Variants in GMDS observed in about 807,000 individuals in gnomAD.
GMDS encodes GDP-mannose 4,6-dehydratase.
Under a neutral mutation model 49.9 loss-of-function variants are expected in GMDS, and 20 were observed. The observed-to-expected ratio is 0.40, with a 90% CI of 0.28 to 0.58. The LOEUF is 0.58. Ranked by LOEUF, GMDS falls within the 20% of genes least tolerant of loss-of-function variation. The pLI is 0.42. For synonymous variants in GMDS, 177 were observed against 178.6 expected (o/e 0.99, Z 0.07); for missense variants, 362 against 481.4 (o/e 0.75, Z 2.32).
chr6:1,959,973 T>C lies in GMDS; in HGVS notation c.539-2A>G. 1 of 1,573,826 alleles carries C rather than the reference T, an allele frequency of 6.4e-7. No individual in the cohort carries two copies. The highest frequency in any genetic ancestry group is 8.7e-7 in the Non-Finnish European group (1 of 1,154,408). Reference sequence around the variant, plus strand: ...AATAGGCATAGAGTTTTGCTGCCCCTGTTGGAATAATTTTTTTTAAGCAAT... The same window carrying C: ...AATAGGCATAGAGTTTTGCTGCCCCCGTTGGAATAATTTTTTTTAAGCAAT... On this transcript the variant is annotated splice_acceptor_variant, in intron 5 of 10. Coordinates refer to ENST00000380815, the MANE Select transcript of GMDS (RefSeq NM_001500.4). LOFTEE classifies it high-confidence loss of function.
chr6:1,983,552 T>G (rs1162530411), intron 4 of GMDS, among the ~76,000 whole-genome samples: 1 of 151,968 alleles, frequency 6.6e-6, no homozygotes, highest in African/African-American at 2.4e-5. Context: ...CATTAAAAAG[T>G]GGGCAAAGAA....
At chr6:2,138,961 C>CAGAAG (rs2127525956) in intron 1 of GMDS, among the ~76,000 whole-genome samples, 1 of 152,246 alleles carries the variant, frequency 6.6e-6, no homozygotes, top group African/African-American at 2.4e-5. Context: ...GTACTCACTC[C>CAGAAG]GCAACAGTAG....
intron 7 of GMDS, among the ~76,000 whole-genome samples, chr6:1,864,081 T>C (rs1305223029): frequency 1.3e-5 from 2 of 152,150 alleles, no homozygotes; most frequent in Non-Finnish European, 2.9e-5. Context: ...AAATTAACTT[T>C]CTAGTTTATC....
chr6:1,790,009 A>G lies in GMDS; in HGVS notation c.772-47423T>C, dbSNP rs952892883. Among the ~76,000 whole-genome samples, 12 of 152,302 alleles carry G rather than the reference A, an allele frequency of 7.9e-5. No individual in the cohort carries two copies. The East Asian group carries it at 2.1e-3, about 27-fold the overall frequency. ...CAGTCTTTCCCCATCTCGTATTCATAAAGATACATTTTTCTGTTCCTAAAT... is the reference window on the plus strand; with the variant it reads ...CAGTCTTTCCCCATCTCGTATTCATGAAGATACATTTTTCTGTTCCTAAAT... On this transcript the variant is annotated intron_variant, in intron 7 of 10. Transcript: ENST00000380815.
At chr6:1,926,007 C>CCA (rs1761986012) in intron 7 of GMDS, among the ~76,000 whole-genome samples, 2 of 152,140 alleles carry the variant, frequency 1.3e-5, no homozygotes, top group South Asian at 4.1e-4. Context: ...GGAACTATGC[C>CCA]GAGTTTGGCT....
intron 7 of GMDS, among the ~76,000 whole-genome samples, chr6:1,780,933 T>G (rs3823269): frequency 0.092 from 13,957 of 152,242 alleles, 795 homozygotes; most frequent in East Asian, 0.25. Context: ...CCTTCTCCTT[T>G]TCCTTTCACA....
intron 4 of GMDS, among the ~76,000 whole-genome samples, chr6:1,993,241 C>T (rs913706778): frequency 8.5e-5 from 13 of 152,158 alleles, no homozygotes; most frequent in African/African-American, 2.7e-4. Flanking sequence ...TATGCTGGCT[C>T]GTGGTTTTGT....
intron 1 of GMDS, among the ~76,000 whole-genome samples, chr6:2,224,314 G>T (rs1391379253): frequency 4.6e-5 from 7 of 152,126 alleles, no homozygotes; most frequent in Non-Finnish European, 8.8e-5. Flanking sequence ...ACAGGTGTTG[G>T]GTTACTGTGC....
At chr6:1,949,326 C>T (rs1763229502) in intron 6 of GMDS, among the ~76,000 whole-genome samples, 1 of 151,170 alleles carries the variant, frequency 6.6e-6, no homozygotes, top group African/African-American at 2.5e-5. Context: ...CCCAAATGCA[C>T]ACAGCTGATG....
intron 4 of GMDS, among the ~76,000 whole-genome samples, chr6:1,992,028 G>C (rs538907971): frequency 6.6e-6 from 1 of 152,302 alleles, no homozygotes; most frequent in East Asian, 1.9e-4. Context: ...GCTTCAAAGG[G>C]AGCACAGCCC....
At chr6:1,815,675 T>A (rs1770631623) in intron 7 of GMDS, among the ~76,000 whole-genome samples, 1 of 152,230 alleles carries the variant, frequency 6.6e-6, no homozygotes, top group South Asian at 2.1e-4. Flanking sequence ...ATTTTAAACA[T>A]AAACCCACTC....
chr6:1,646,836 G>T (rs1763500065), intron 9 of GMDS, among the ~76,000 whole-genome samples: 1 of 152,194 alleles, frequency 6.6e-6, no homozygotes, highest in Admixed American at 6.5e-5. Flanking sequence ...ACTCCCTGAA[G>T]AGGAATTCAT....
chr6:2,001,928 A>G (rs2127383197), intron 4 of GMDS, among the ~76,000 whole-genome samples: 1 of 152,302 alleles, frequency 6.6e-6, no homozygotes, highest in South Asian at 2.1e-4. Context: ...TCAGTTTTAT[A>G]TTTAAATACA....
intron 1 of GMDS, among the ~76,000 whole-genome samples, chr6:2,145,843 TAGCGAC>T: frequency 1.3e-5 from 2 of 152,304 alleles, no homozygotes; most frequent in Middle Eastern, 6.8e-3. Context: ...CCTGGCTACA[TAGCGAC>T]ATCTATCTCA....
At chr6:1,694,098 T>C (rs1404250320) in intron 9 of GMDS, among the ~76,000 whole-genome samples, 1 of 152,200 alleles carries the variant, frequency 6.6e-6, no homozygotes, top group Non-Finnish European at 1.5e-5. Context: ...GTTTGAACAA[T>C]GGTAGCATTG....
At chr6:1,942,718 T>G (rs969808186) in intron 6 of GMDS, among the ~76,000 whole-genome samples, 5 of 152,158 alleles carry the variant, frequency 3.3e-5, no homozygotes, top group African/African-American at 1.2e-4. Context: ...GATATCTGAG[T>G]TACTGGTTCC....
chr6:2,099,170 T>C (rs1355121541), intron 4 of GMDS, among the ~76,000 whole-genome samples: 1 of 152,144 alleles, frequency 6.6e-6, no homozygotes, highest in Non-Finnish European at 1.5e-5. Flanking sequence ...TGGCCAATAA[T>C]GGTCTATTAT....
intron 4 of GMDS, among the ~76,000 whole-genome samples, chr6:1,977,576 T>C (rs1452087018): frequency 2.0e-5 from 3 of 152,204 alleles, no homozygotes; most frequent in East Asian, 1.9e-4. Context: ...GGTTATCGCA[T>C]TGGAACGGAC....
intron 1 of GMDS, among the ~76,000 whole-genome samples, chr6:2,138,807 T>C (rs1420912414): frequency 6.6e-6 from 1 of 152,248 alleles, no homozygotes; most frequent in Non-Finnish European, 1.5e-5. Context: ...TCATCAAATC[T>C]ACCACAGATT....
Sources: gnomAD v4.1 joint callset for allele counts (sites outside exome capture counted in the v4.1 genomes callset) on GRCh38, gnomAD v4.1.1 for gene constraint, MANE v1.5 for transcripts, NCBI Gene and HGNC (gene_info 2026-07-23, HGNC 2026-07-21) for gene names.